SRBD1: variants seen among roughly 807,000 people sequenced by gnomAD.
The protein encoded by SRBD1 is S1 RNA-binding domain-containing protein 1.
SRBD1 carries 88 observed loss-of-function variants against 115.3 expected under a neutral mutation model. The observed-to-expected ratio is 0.76, with a 90% CI of 0.64 to 0.91. The LOEUF is 0.91. Ranked by LOEUF, SRBD1 falls within the 40% of genes least tolerant of loss-of-function variation. SRBD1 has a pLI of 0.00. For missense variants in SRBD1, 1,385 were observed against 1,177.4 expected (o/e 1.18, Z -2.58); for synonymous variants, 509 against 407.7 (o/e 1.25, Z -2.99).
chr2:45,484,013 T>C (rs1670042695), intron 15 of SRBD1, among the ~76,000 whole-genome samples: 1 of 152,146 alleles, frequency 6.6e-6, no homozygotes, highest in Admixed American at 6.6e-5. Context: ...ACTTTTACTT[T>C]ATGTAAATAT....
At position 45,434,907 on chromosome 2, in the gene SRBD1, C is replaced by T. The variant is rs184133028; in HGVS notation, c.2050-15013G>A. 2.0e-5 allele frequency among the ~76,000 whole-genome samples: 3 copies of T among 152,136 alleles called. No homozygotes were observed. The East Asian group carries it at 5.8e-4, about 29-fold the overall frequency. Reference sequence around the variant, plus strand: ...TTTACATTAGGTATTTCTCCTAATGCTATCCCTCCCCGCTCCCCCCACCCC... The same window carrying T: ...TTTACATTAGGTATTTCTCCTAATGTTATCCCTCCCCGCTCCCCCCACCCC... On this transcript the variant is annotated intron_variant, in intron 16 of 20. Transcript: ENST00000263736.
At chr2:45,414,071 C>G (rs1427547401) in intron 18 of SRBD1, among the ~76,000 whole-genome samples, 1 of 152,124 alleles carries the variant, frequency 6.6e-6, no homozygotes, top group Non-Finnish European at 1.5e-5. Flanking sequence ...GATCTGGAAT[C>G]AGACTAGCAT....
chr2:45,447,258 G>A (rs570785889), intron 16 of SRBD1: 5 of 152,204 alleles, frequency 3.3e-5, no homozygotes, highest in East Asian at 3.9e-4. Context: ...AGATCATCCT[G>A]GCCAACACGG....
At chr2:45,463,350 A>C (rs1479321137) in intron 16 of SRBD1, among the ~76,000 whole-genome samples, 1 of 152,222 alleles carries the variant, frequency 6.6e-6, no homozygotes, top group East Asian at 1.9e-4. Flanking sequence ...CCTTAAATTT[A>C]AAATGTAACA....
chr2:45,508,143 CT>C (rs1435935567), intron 14 of SRBD1, among the ~76,000 whole-genome samples: 4 of 152,084 alleles, frequency 2.6e-5, no homozygotes, highest in Admixed American at 2.6e-4. Flanking sequence ...TGTATATATT[CT>C]TGAAAATTGT....
chr2:45,425,702 G>C (rs916927124), intron 16 of SRBD1, among the ~76,000 whole-genome samples: 1 of 151,970 alleles, frequency 6.6e-6, no homozygotes, highest in African/African-American at 2.4e-5. Context: ...AGGAGTCAGG[G>C]AACTCACTCA....
chr2:45,611,069 A>G (rs1422776304), intron 1 of SRBD1, 150 bp downstream of exon 1: 1 of 152,232 alleles, frequency 6.6e-6, no homozygotes, highest in Admixed American at 6.5e-5. Context: ...GCTGACAGTA[A>G]AATGTAATGA....
At chr2:45,514,301 T>C (rs567859248) in intron 14 of SRBD1, among the ~76,000 whole-genome samples, 15 of 152,160 alleles carry the variant, frequency 9.9e-5, no homozygotes, top group African/African-American at 2.6e-4. Flanking sequence ...AGTGGTGAAA[T>C]AGTAACAAAG....
intron 14 of SRBD1, among the ~76,000 whole-genome samples, chr2:45,535,640 A>C (rs1390461683): frequency 6.6e-6 from 1 of 152,016 alleles, no homozygotes; most frequent in African/African-American, 2.4e-5. Context: ...CCAGAAGATA[A>C]AATAAGAAAC....
At position 45,402,255 on chromosome 2, in the gene SRBD1, A is replaced by G. The variant is rs73925639; in HGVS notation, c.2514-9126T>C. On this transcript the variant is annotated intron_variant, in intron 19 of 20. Coordinates refer to ENST00000263736, the MANE Select transcript of SRBD1 (RefSeq NM_018079.5). ...CTACTTTTGGTTCTAAAAACCTGAC[A>G]CAAGTTTTTAGTAAATTAAAGAAAA... 9.7e-3 allele frequency among the ~76,000 whole-genome samples: 1,470 copies of G among 152,300 alleles called. 22 individuals carry two copies. Among genetic ancestry groups the G allele is most frequent in the African/African-American group, 0.033 (1,380 of 41,570 alleles).
rs71394845 is a variant in SRBD1, at chr2:45,606,157, CTTT to C, written c.1-719_1-717del. ...AAGACAGAAACATTTTTTTCCTATT[CTTT>C]TTTTTTTTTTTTTTTTGAGACAGAG... On this transcript the variant is annotated intron_variant, in intron 1 of 20. Coordinates refer to ENST00000263736, the MANE Select transcript of SRBD1 (RefSeq NM_018079.5). 4.9e-3 allele frequency among the ~76,000 whole-genome samples: 567 copies of C among 116,734 alleles called. 8 individuals carry two copies. Among genetic ancestry groups the C allele is most frequent in the African/African-American group, 0.017 (528 of 30,938 alleles). The allele number at this position is 116,734 out of a possible 152,430, so 76.6% of individuals were successfully genotyped here.
At position 45,585,597 on chromosome 2, in the gene SRBD1, A is replaced by T; in HGVS notation, c.815+11T>A. ...CCTTACACTAGGCTTATTCTTTTTT[A>T]GGTTTCTTACCGTAGCTCTTCTAGG... On this transcript the variant is annotated intron_variant, in intron 5 of 20. Transcript: ENST00000263736. 6.2e-7 allele frequency: 1 copy of T among 1,602,336 alleles called. No individual in the cohort carries two copies. The highest frequency in any genetic ancestry group is 8.5e-7 in the Non-Finnish European group (1 of 1,177,042).
At chr2:45,610,454 A>C (rs1471875126) in intron 1 of SRBD1, among the ~76,000 whole-genome samples, 2 of 152,232 alleles carry the variant, frequency 1.3e-5, no homozygotes, top group East Asian at 3.8e-4. Flanking sequence ...CTATATTCAG[A>C]AATCTGAGAC....
intron 16 of SRBD1, among the ~76,000 whole-genome samples, chr2:45,436,353 G>A (rs1271190936): frequency 6.6e-6 from 1 of 152,074 alleles, no homozygotes; most frequent in African/African-American, 2.4e-5. Flanking sequence ...TCAGAAACAA[G>A]ACAAGGATGT....
chr2:45,559,822 G>C (rs1457253999), intron 10 of SRBD1, among the ~76,000 whole-genome samples: 4 of 152,138 alleles, frequency 2.6e-5, no homozygotes, highest in Non-Finnish European at 4.4e-5. Context: ...GCCTGGGGTG[G>C]TTCATCCCAG....
At position 45,411,719 on chromosome 2, in the gene SRBD1, G is replaced by T. The variant is rs537724921; in HGVS notation, c.2513+1395C>A. Among the ~76,000 whole-genome samples, 47 of 152,216 alleles carry T rather than the reference G, an allele frequency of 3.1e-4. No homozygotes were observed. In the South Asian group the frequency reaches 3.9e-3, roughly 13 times the overall value. ...AATGTGACCTCAAAAGAAAAAAATCGTAAAGAATTATCAAATTGTAGTTAA... is the reference window on the plus strand; with the variant it reads ...AATGTGACCTCAAAAGAAAAAAATCTTAAAGAATTATCAAATTGTAGTTAA... On this transcript the variant is annotated intron_variant, in intron 19 of 20. Coordinates refer to ENST00000263736, the MANE Select transcript of SRBD1 (RefSeq NM_018079.5).
intron 14 of SRBD1, among the ~76,000 whole-genome samples, chr2:45,501,761 G>A (rs565583872): frequency 6.6e-6 from 1 of 152,296 alleles, no homozygotes; most frequent in East Asian, 1.9e-4. Context: ...TGCCATTGCT[G>A]AGGCTGGAGT....
At chr2:45,488,398 A>G in intron 14 of SRBD1, 67 bp from the exon 15 acceptor site, 1 of 1,415,692 alleles carries the variant, frequency 7.1e-7, no homozygotes, top group East Asian at 2.3e-5. Context: ...AAATAAATGA[A>G]TGAAACCAGG....
intron 14 of SRBD1, among the ~76,000 whole-genome samples, chr2:45,517,667 T>C (rs1363259667): frequency 1.3e-5 from 2 of 152,178 alleles, no homozygotes; most frequent in Non-Finnish European, 1.5e-5. Flanking sequence ...TTTTTTTCTA[T>C]GTACAAGAGT....
Sources: gnomAD v4.1 joint callset for allele counts (sites outside exome capture counted in the v4.1 genomes callset) on GRCh38, gnomAD v4.1.1 for gene constraint, MANE v1.5 for transcripts, NCBI Gene and HGNC (gene_info 2026-07-23, HGNC 2026-07-21) for gene names.